Variants in KCTD13 observed in about 807,000 individuals in gnomAD.
KCTD13 encodes potassium channel tetramerization domain containing 13.
In KCTD13, 15 loss-of-function variants were observed where a neutral mutation model predicts 32.3. The observed-to-expected ratio is 0.46, with a 90% CI of 0.31 to 0.71. The LOEUF (loss-of-function observed/expected upper bound fraction) is 0.71. KCTD13 is among the 30% of genes least tolerant of loss of function. KCTD13 has a pLI of 0.05. For missense variants in KCTD13, 337 were observed against 452.6 expected (o/e 0.74, Z 2.32); for synonymous variants, 189 against 200.1 (o/e 0.94, Z 0.47).
At position 29,926,093 on chromosome 16, in the gene KCTD13, C is replaced by G; in HGVS notation, c.-60G>C. ...CTCTCCGCGCCCTGCGGCCTGCTCCCGAAGACCCTCGGCCGGCCCCCAGCC... is the reference window on the plus strand; with the variant it reads ...CTCTCCGCGCCCTGCGGCCTGCTCCGGAAGACCCTCGGCCGGCCCCCAGCC... On this transcript the variant is annotated 5_prime_UTR_variant, in exon 1 of 6. Coordinates refer to ENST00000568000, the MANE Select transcript of KCTD13 (RefSeq NM_178863.5). The G allele has an allele frequency of 2.1e-6, 3 of 1,435,260 alleles. No homozygotes were observed. Among genetic ancestry groups the G allele is most frequent in the South Asian group, 1.5e-5 (1 of 67,262 alleles). The allele number at this position is 1,435,260 out of a possible 1,614,324, so 88.9% of individuals were successfully genotyped here.
chr16:29,918,980 G>A (rs1422585152), intron 2 of KCTD13, among the ~76,000 whole-genome samples: 2 of 152,046 alleles, frequency 1.3e-5, no homozygotes, highest in Non-Finnish European at 2.9e-5. Flanking sequence ...TTTTAATAGA[G>A]ATGGGGTTTC....
chr16:29,908,250 G>A (rs1055072723), intron 5 of KCTD13, among the ~76,000 whole-genome samples: 2 of 152,184 alleles, frequency 1.3e-5, no homozygotes, highest in African/African-American at 4.8e-5. Flanking sequence ...CAAAAGGGAG[G>A]CCAATGCAAT....
intron 5 of KCTD13, among the ~76,000 whole-genome samples, chr16:29,907,850 G>A (rs545396227): frequency 1.3e-5 from 2 of 151,576 alleles, no homozygotes; most frequent in South Asian, 4.2e-4. Flanking sequence ...TTTAGGAAAC[G>A]ATATAAGCTG....
In KCTD13 at chr16:29,924,720, CT is replaced by C. The variant is rs1214482858; in HGVS notation, c.244+1069del. On this transcript the variant is annotated intron_variant, in intron 1 of 5. Coordinates refer to ENST00000568000, the MANE Select transcript of KCTD13 (RefSeq NM_178863.5). ...ACTTATTGGACAAATGAATTCTTCC[CT>C]TTTTTTTTTTTTTTTTTGAGACAGT... Among the ~76,000 whole-genome samples the C allele has an allele frequency of 2.5e-3, 345 of 135,938 alleles. 1 individual carries two copies. Among genetic ancestry groups the C allele is most frequent in the East Asian group, 0.013 (61 of 4,878 alleles). The allele number at this position is 135,938 out of a possible 152,430, so 89.2% of individuals were successfully genotyped here. A position where few individuals can be genotyped will look rare whatever the true frequency, so the allele number is the denominator to read the frequency against.
At chr16:29,910,357 C>T (rs926989845) in intron 5 of KCTD13, among the ~76,000 whole-genome samples, 9 of 151,870 alleles carry the variant, frequency 5.9e-5, no homozygotes, top group Non-Finnish European at 8.8e-5. Context: ...GAGATTGTGC[C>T]ACTGCACTAC....
chr16:29,925,908 G>GT lies in KCTD13; in HGVS notation c.125dup (p.Tyr42Ter). The GT allele has an allele frequency of 1.2e-6, 2 of 1,614,082 alleles. No individual in the cohort carries two copies. Among genetic ancestry groups the GT allele is most frequent in the Non-Finnish European group, 1.7e-6 (2 of 1,179,974 alleles). The part of the protein sequence containing the change: ...GLKPLTPNSK[Y>*]VKLNVGGSLH... ...ACGAGCCGCCCACGTTCAGCTTCAC[G>GT]TATTTGCTGTTCGGGGTCAGCGGCT... The change falls in exon 1 of 6, where the codon TAC becomes TAAC. Residue 42 changes from tyrosine to a stop codon, truncating the protein, a stop_gained and frameshift_variant. Coordinates refer to ENST00000568000, the MANE Select transcript of KCTD13 (RefSeq NM_178863.5). LOFTEE classifies it high-confidence loss of function.
At chr16:29,914,719 C>G (rs2068779440) in intron 2 of KCTD13, 1 of 152,348 alleles carries the variant, frequency 6.6e-6, no homozygotes, top group Non-Finnish European at 1.5e-5. Context: ...AGGCGTGAGC[C>G]ACCGCATCCA....
intron 2 of KCTD13, chr16:29,922,175 T>C (rs2068925489): frequency 6.6e-6 from 1 of 152,190 alleles, no homozygotes; most frequent in Admixed American, 6.5e-5. Context: ...TAATGAGTAC[T>C]AAAATGCATT....
chr16:29,918,055 G>A (rs866711086), intron 2 of KCTD13, among the ~76,000 whole-genome samples: 1 of 152,128 alleles, frequency 6.6e-6, no homozygotes, highest in Non-Finnish European at 1.5e-5. Context: ...GTGAGGAATT[G>A]GACTACATCC....
intron 2 of KCTD13, chr16:29,914,527 T>C (rs112698693): frequency 0.065 from 9,797 of 151,230 alleles, 1,043 homozygotes; most frequent in African/African-American, 0.22. Context: ...AAAACTCTGC[T>C]TCCCAGGTTC....
In KCTD13 at chr16:29,922,830, G is replaced by C. The variant is rs1271169256; in HGVS notation, c.414+360C>G. On this transcript the variant is annotated intron_variant, in intron 2 of 5. Transcript: ENST00000568000. ...ATTATATTTCAATTTAAATTTAGAT[G>C]TTTTTCCCTAGTGACATGAGGGAGC... The C allele has an allele frequency of 9.9e-6, 4 of 404,012 alleles. No individual in the cohort carries two copies. In the Middle Eastern group the frequency reaches 1.8e-3, roughly 185 times the overall value. 25.0% of individuals were successfully genotyped at this position (404,012 alleles called of 1,614,324 possible).
intron 5 of KCTD13, 58 bp from the exon 6 acceptor site, chr16:29,907,166 C>G (rs1478840742): frequency 8.7e-6 from 11 of 1,257,710 alleles, no homozygotes; most frequent in Non-Finnish European, 1.2e-5. Context: ...GCAGGGCCAT[C>G]CCCCTGCCTA....
In KCTD13 at chr16:29,911,953, G is replaced by C. The variant is rs772953486; in HGVS notation, c.504+7C>G. On this transcript the variant is annotated splice_region_variant and intron_variant, in intron 3 of 5. Transcript: ENST00000568000. ...AGCCTCCACCCTGCAGGGCTTGGGG[G>C]CCTCACCTTGGAGGTGCTGGCCAGG... 2 of 1,610,354 alleles carry C rather than the reference G, an allele frequency of 1.2e-6. No homozygotes were observed.
At chr16:29,918,915 C>T (rs2068860210) in intron 2 of KCTD13, among the ~76,000 whole-genome samples, 1 of 151,472 alleles carries the variant, frequency 6.6e-6, no homozygotes, top group South Asian at 2.1e-4. Context: ...GCCTCAGCCT[C>T]CCAAAGTGCT....
chr16:29,911,932 T>C, intron 3 of KCTD13, 28 bp downstream of exon 3: 1 of 1,608,532 alleles, frequency 6.2e-7, no homozygotes, highest in Non-Finnish European at 8.5e-7. Flanking sequence ...CCAGTGAGCC[T>C]CCACCCTGCA....
intron 2 of KCTD13, chr16:29,921,326 G>A (rs2068908342): frequency 6.6e-6 from 1 of 152,162 alleles, no homozygotes; most frequent in Admixed American, 6.6e-5. Flanking sequence ...CAAAAGGTTT[G>A]CATAGACCAA....
chr16:29,918,958 T>A (rs906342470), intron 2 of KCTD13, among the ~76,000 whole-genome samples: 2 of 151,838 alleles, frequency 1.3e-5, no homozygotes, highest in African/African-American at 4.8e-5. Flanking sequence ...GCACCTGGCA[T>A]AATTTTTGTA....
rs2150848698 is a variant in KCTD13 at position 29,926,057 on chromosome 16, G to A, written c.-24C>T. 1.4e-6 allele frequency: 2 copies of A among 1,472,216 alleles called. No homozygotes were observed. The highest frequency in any genetic ancestry group is 2.7e-5 in the Admixed American group (1 of 36,448). The allele number at this position is 1,472,216 out of a possible 1,614,324, so 91.2% of individuals were successfully genotyped here. ...ATGCCGGGTAGCAGCGGCGGACGGC[G>A]ATCCCAGGATCTCTCCGCGCCCTGC... On this transcript the variant is annotated 5_prime_UTR_variant, in exon 1 of 6. Coordinates refer to ENST00000568000, the MANE Select transcript of KCTD13 (RefSeq NM_178863.5).
chr16:29,907,258 G>C, intron 5 of KCTD13, 150 bp from the exon 6 acceptor site: 1 of 593,890 alleles, frequency 1.7e-6, no homozygotes, highest in East Asian at 2.8e-5. Context: ...CCTTTACTCA[G>C]CAAAGTCATA....
Sources: allele counts gnomAD v4.1 joint callset (sites outside exome capture counted in the v4.1 genomes callset), GRCh38; gene constraint gnomAD v4.1.1; transcripts MANE v1.5; gene names NCBI Gene and HGNC (gene_info 2026-07-23, HGNC 2026-07-21).